The following ARID1B variants were observed in gnomAD, a reference collection of about 807,000 sequenced individuals.
ARID1B encodes AT-rich interactive domain-containing protein 1B.
In ARID1B, 30 loss-of-function variants were observed where a neutral mutation model predicts 212.3. The observed-to-expected ratio is 0.14, with a 90% CI of 0.11 to 0.19. The LOEUF is 0.19. ARID1B is among the 10% of genes least tolerant of loss of function. The pLI is 1.00. For synonymous variants in ARID1B, 1,402 were observed against 1,301.7 expected, an observed-to-expected ratio of 1.08 and a Z score of -1.66; for missense variants, 2,891 against 3,204.0, an observed-to-expected ratio of 0.90 and a Z score of 2.36.
chr6:156,998,130 A>G (rs1373332359), intron 4 of ARID1B, among the ~76,000 whole-genome samples: 1 of 151,714 alleles, frequency 6.6e-6, no homozygotes, highest in Non-Finnish European at 1.5e-5. Flanking sequence ...GCAACTCTGA[A>G]GATGTTCGTG....
intron 2 of ARID1B, among the ~76,000 whole-genome samples, chr6:156,896,833 C>T (rs1448610917): frequency 6.6e-6 from 1 of 152,122 alleles, no homozygotes; most frequent in Non-Finnish European, 1.5e-5. Context: ...GAGCTGAGAT[C>T]GTGCCACTGC....
At chr6:156,895,029 G>GGT (rs1441347333) in intron 2 of ARID1B, among the ~76,000 whole-genome samples, 3 of 152,144 alleles carry the variant, frequency 2.0e-5, no homozygotes, top group Non-Finnish European at 4.4e-5. Context: ...CCAGTGGTGT[G>GGT]GTGGTGTTCA....
chr6:156,842,043 CTT>C (rs1361749566), intron 2 of ARID1B, among the ~76,000 whole-genome samples: 1 of 152,152 alleles, frequency 6.6e-6, no homozygotes, highest in African/African-American at 2.4e-5. Flanking sequence ...CACGTAAAGT[CTT>C]TTGTGACCTT....
intron 1 of ARID1B, among the ~76,000 whole-genome samples, chr6:156,812,333 G>A (rs1562403433): frequency 6.6e-6 from 1 of 152,060 alleles, no homozygotes; most frequent in Non-Finnish European, 1.5e-5. Context: ...TGTTGCCCAG[G>A]CTGATTTCTT....
At chr6:157,074,474 C>T (rs1219756988) in intron 4 of ARID1B, among the ~76,000 whole-genome samples, 1 of 152,156 alleles carries the variant, frequency 6.6e-6, no homozygotes, top group Non-Finnish European at 1.5e-5. Context: ...ATCCGCCCAC[C>T]TCGGCCTCCC....
At chr6:156,827,618 GT>G (rs1782831079) in intron 1 of ARID1B, among the ~76,000 whole-genome samples, 1 of 152,184 alleles carries the variant, frequency 6.6e-6, no homozygotes, top group Non-Finnish European at 1.5e-5. Context: ...GATCCAGATG[GT>G]TTTTATTTCC....
chr6:156,800,175 A>G (rs908827656), intron 1 of ARID1B, among the ~76,000 whole-genome samples: 1 of 152,236 alleles, frequency 6.6e-6, no homozygotes, highest in East Asian at 1.9e-4. Context: ...ATCAGGATGC[A>G]TTTCATGTGT....
Position 157,206,555 on chromosome 6 carries a change from A to G in ARID1B, c.5783A>G (p.Lys1928Arg). ...NNLFVVDRSD[K>R]LGRVQEFNSG... ...CTGTTTGTTGTTGACCGATCTGACA[A>G]GTTGGGGCGTGTGCAGGAGTTCAAT... Residue 1928 changes from lysine (K) to arginine (R), a missense_variant, in exon 20 of 20, where the codon AAG (lysine) becomes AGG (arginine). Physicochemically the swap from Lys to Arg is conservative, Grantham distance 26. Coordinates refer to ENST00000636930, the MANE Select transcript of ARID1B (RefSeq NM_001374828.1). This position sits in a 1 kb window ranked among gnomAD's most constrained non-coding sequence, Gnocchi z 6.8. 6.2e-7 allele frequency: 1 copy of G among 1,614,180 alleles called. No individual in the cohort carries two copies. Among genetic ancestry groups the G allele is most frequent in the Non-Finnish European group, 8.5e-7 (1 of 1,180,024 alleles).
At chr6:156,939,946 TGAAAAAG>T (rs1225302987) in intron 4 of ARID1B, 1 of 152,170 alleles carries the variant, frequency 6.6e-6, no homozygotes, top group African/African-American at 2.4e-5. Flanking sequence ...GAAGTAAACA[TGAAAAAG>T]GAAAAAGTTT....
chr6:157,148,563 C>T lies in ARID1B; in HGVS notation c.2762-61C>T. 6.6e-7 allele frequency: 1 copy of T among 1,522,780 alleles called. No homozygotes were observed. Among genetic ancestry groups the T allele is most frequent in the Non-Finnish European group, 8.9e-7 (1 of 1,122,238 alleles). The allele number at this position is 1,522,780 out of a possible 1,614,324, so 94.3% of individuals were successfully genotyped here. A position where few individuals can be genotyped will look rare whatever the true frequency, so the allele number is the denominator to read the frequency against. On this transcript the variant is annotated intron_variant, in intron 7 of 19. Coordinates refer to ENST00000636930, the MANE Select transcript of ARID1B (RefSeq NM_001374828.1). The surrounding 1 kb of genome is among the most constrained non-coding windows in gnomAD (Gnocchi z 5.6). Reference sequence around the variant, plus strand: ...TCGCATTGTTGGACAAAAAGTATTTCCAGTGAATGTTGTCACAAGTTTAAA... The same window carrying T: ...TCGCATTGTTGGACAAAAAGTATTTTCAGTGAATGTTGTCACAAGTTTAAA...
intron 2 of ARID1B, among the ~76,000 whole-genome samples, chr6:156,888,488 T>G (rs1401127676): frequency 6.6e-6 from 1 of 152,226 alleles, no homozygotes; most frequent in Non-Finnish European, 1.5e-5. Context: ...GTAATCCTTT[T>G]GCATTAAAAA....
intron 4 of ARID1B, among the ~76,000 whole-genome samples, chr6:156,986,803 A>G (rs551080015): frequency 6.6e-6 from 1 of 152,296 alleles, no homozygotes; most frequent in Admixed American, 6.5e-5. Context: ...TAATGGTAGT[A>G]AAGTGGTAGC....
chr6:156,988,737 C>T (rs755279407), intron 4 of ARID1B, among the ~76,000 whole-genome samples: 10 of 152,108 alleles, frequency 6.6e-5, no homozygotes, highest in Non-Finnish European at 1.0e-4. Flanking sequence ...CAATCACTTC[C>T]GACACACTTC....
chr6:157,165,034 C>T (rs919775828), intron 8 of ARID1B, among the ~76,000 whole-genome samples: 9 of 152,184 alleles, frequency 5.9e-5, no homozygotes, highest in African/African-American at 2.2e-4. Context: ...TCAATTGTCC[C>T]TTGTTTGAAG....
chr6:157,203,059 T>TA lies in ARID1B; in HGVS notation c.5264-803dup, dbSNP rs1794216247. On this transcript the variant is annotated intron_variant, in intron 18 of 19. Coordinates refer to ENST00000636930, the MANE Select transcript of ARID1B (RefSeq NM_001374828.1). The surrounding 1 kb of genome is among the most constrained non-coding windows in gnomAD (Gnocchi z 4.4). ...AGTATGTAGCTATCTTAGAAAATTT[T>TA]AAAACAGATAAAATAAAAGTGGAAA... Among the ~76,000 whole-genome samples, 1 of 152,210 alleles carries TA rather than the reference T, an allele frequency of 6.6e-6. No homozygotes were observed. Among genetic ancestry groups the TA allele is most frequent in the Non-Finnish European group, 1.5e-5 (1 of 68,042 alleles).
At chr6:157,195,966 C>T (rs1048478314) in intron 15 of ARID1B, 199 bp from the exon 16 acceptor site, 25 of 525,800 alleles carry the variant, frequency 4.8e-5, no homozygotes, top group Non-Finnish European at 6.7e-5. Context: ...GAGGGTGACG[C>T]AGGAGAATCG....
rs1431722282 is a variant in ARID1B at position 156,825,337 on chromosome 6, G to A, written c.1792-3890G>A. Reference sequence around the variant, plus strand: ...AAATTAAATAATTTGCACTGTATGAGTAACTGTTTTTCTATCTGAAGTCTC... The same window carrying A: ...AAATTAAATAATTTGCACTGTATGAATAACTGTTTTTCTATCTGAAGTCTC... On this transcript the variant is annotated intron_variant, in intron 1 of 19. Transcript: ENST00000636930. Among the ~76,000 whole-genome samples the A allele has an allele frequency of 5.9e-5, 9 of 152,274 alleles. No individual in the cohort carries two copies. The East Asian group carries it at 1.7e-3, about 29-fold the overall frequency.
At chr6:156,796,764 G>C (rs774955488) in intron 1 of ARID1B, among the ~76,000 whole-genome samples, 6 of 152,246 alleles carry the variant, frequency 3.9e-5, no homozygotes, top group Non-Finnish European at 7.3e-5. Context: ...TCATGCAGCT[G>C]TGGGCGCAGG....
At chr6:157,108,675 G>A (rs1049103988) in intron 5 of ARID1B, among the ~76,000 whole-genome samples, 1 of 152,126 alleles carries the variant, frequency 6.6e-6, no homozygotes, top group Non-Finnish European at 1.5e-5. Flanking sequence ...AAATTGTTTT[G>A]GTTCAGAATG....
Sources: allele counts gnomAD v4.1 joint callset (sites outside exome capture counted in the v4.1 genomes callset), GRCh38; gene constraint gnomAD v4.1.1; non-coding constraint Gnocchi (gnomAD v3.1); transcripts MANE v1.5; gene names NCBI Gene and HGNC (gene_info 2026-07-23, HGNC 2026-07-21).